Variants in SLC39A9 observed in about 807,000 individuals in gnomAD.
SLC39A9 encodes the protein zinc transporter ZIP9.
In SLC39A9, 14 loss-of-function variants were observed where a neutral mutation model predicts 28.4. The ratio of observed to expected loss-of-function variants is 0.49; its 90% CI spans 0.33 to 0.77. The LOEUF is 0.77. Among genes scored for constraint, SLC39A9 ranks in the 30% least tolerant of loss-of-function variants. The pLI is 0.02. For missense variants in SLC39A9, 283 were observed against 381.1 expected (o/e 0.74, Z 2.14); for synonymous variants, 119 against 149.6 (o/e 0.80, Z 1.49).
chr14:69,420,716 C>G (rs953135032), intron 1 of SLC39A9, among the ~76,000 whole-genome samples: 13 of 152,040 alleles, frequency 8.6e-5, no homozygotes, highest in African/African-American at 2.4e-4. Flanking sequence ...CTTTTTTTCT[C>G]TAAACTTCTC....
At chr14:69,456,019 A>T (rs528838053) in intron 6 of SLC39A9, among the ~76,000 whole-genome samples, 153 bp downstream of exon 6, 1 of 152,248 alleles carries the variant, frequency 6.6e-6, no homozygotes, top group Non-Finnish European at 1.5e-5. Flanking sequence ...CTTAATTCCA[A>T]TGCGTCCTCT....
intron 1 of SLC39A9, 50 bp from the exon 2 acceptor site, chr14:69,424,044 T>A (rs1348315158): frequency 1.6e-5 from 22 of 1,394,958 alleles, no homozygotes; most frequent in Non-Finnish European, 2.1e-5. Flanking sequence ...AGAAACTTTT[T>A]CCCATTAATT....
At chr14:69,439,235 G>T (rs887027048) in intron 2 of SLC39A9, among the ~76,000 whole-genome samples, 1 of 152,092 alleles carries the variant, frequency 6.6e-6, no homozygotes, top group African/African-American at 2.4e-5. Flanking sequence ...TAATGTAAAT[G>T]AGGAGTTAAT....
chr14:69,420,796 C>T (rs983265399), intron 1 of SLC39A9, among the ~76,000 whole-genome samples: 3 of 152,210 alleles, frequency 2.0e-5, no homozygotes, highest in African/African-American at 7.2e-5. Flanking sequence ...GCTACTGAAG[C>T]TTGTGCATGT....
chr14:69,420,646 A>G (rs1409308505), intron 1 of SLC39A9, among the ~76,000 whole-genome samples: 1 of 152,182 alleles, frequency 6.6e-6, no homozygotes, highest in Non-Finnish European at 1.5e-5. Flanking sequence ...AATCAAACGT[A>G]GATTTGGTCT....
chr14:69,454,755 C>T, intron 4 of SLC39A9, 57 bp from the exon 5 acceptor site: 1 of 1,441,200 alleles, frequency 6.9e-7, no homozygotes, highest in East Asian at 2.3e-5. Context: ...TCAACCACTA[C>T]ACTGTTATTG....
chr14:69,428,373 A>C (rs1421096722), intron 2 of SLC39A9, among the ~76,000 whole-genome samples: 1 of 152,196 alleles, frequency 6.6e-6, no homozygotes, highest in Non-Finnish European at 1.5e-5. Flanking sequence ...TGATGTTGAA[A>C]ATGAAGCCTG....
In SLC39A9 at chr14:69,459,008, A is replaced by G. The variant is rs1885997408; in HGVS notation, c.*415A>G. On this transcript the variant is annotated 3_prime_UTR_variant, in exon 7 of 7. Transcript: ENST00000336643. ...GTTTAGAGGCTCTGCTACTTTATCC[A>G]TTGATTTTTAACATGGTTCCCACCA... is the stretch of plus-strand genomic sequence containing the variant. The G allele has an allele frequency of 7.1e-6, 7 of 991,992 alleles. No individual in the cohort carries two copies. Among genetic ancestry groups the G allele is most frequent in the Non-Finnish European group, 8.4e-6 (7 of 833,394 alleles). The allele number at this position is 991,992 out of a possible 1,614,324, so 61.4% of individuals were successfully genotyped here. A position where few individuals can be genotyped will look rare whatever the true frequency, so the allele number is the denominator to read the frequency against.
At chr14:69,409,106 C>A (rs904334608) in intron 1 of SLC39A9, among the ~76,000 whole-genome samples, 2 of 151,916 alleles carry the variant, frequency 1.3e-5, no homozygotes, top group African/African-American at 2.4e-5. Context: ...TTTTAAAAGA[C>A]GCTGTGGAAA....
intron 1 of SLC39A9, among the ~76,000 whole-genome samples, chr14:69,407,458 C>T (rs1047047212): frequency 6.6e-6 from 1 of 151,932 alleles, no homozygotes; most frequent in Non-Finnish European, 1.5e-5. Flanking sequence ...CTGCCTCAGC[C>T]TCCCAAGTAG....
chr14:69,400,485 A>T (rs901606744), intron 1 of SLC39A9, among the ~76,000 whole-genome samples: 2 of 152,222 alleles, frequency 1.3e-5, no homozygotes, highest in African/African-American at 4.8e-5. Flanking sequence ...TTTAGGGGGG[A>T]AAAACTACTA....
chr14:69,404,105 A>G (rs897903321), intron 1 of SLC39A9, among the ~76,000 whole-genome samples: 1 of 152,210 alleles, frequency 6.6e-6, no homozygotes, highest in Non-Finnish European at 1.5e-5. Flanking sequence ...CACACTGGTT[A>G]GTCCCAGCTA....
At chr14:69,427,353 A>G (rs575720086) in intron 2 of SLC39A9, among the ~76,000 whole-genome samples, 1 of 152,242 alleles carries the variant, frequency 6.6e-6, no homozygotes, top group Non-Finnish European at 1.5e-5. Flanking sequence ...GTGCTTTATA[A>G]GTCTCTTCTG....
Position 69,399,021 on chromosome 14 carries a change from C to T in SLC39A9, c.-349C>T. On this transcript the variant is annotated 5_prime_UTR_variant, in exon 1 of 7. Transcript: ENST00000336643. ...ACCCGCCGCCGCCTAAGACATTGTGCCACCCTCAATCCGACAATCGAAGAA... is the reference window on the plus strand; with the variant it reads ...ACCCGCCGCCGCCTAAGACATTGTGTCACCCTCAATCCGACAATCGAAGAA... 4.1e-6 allele frequency: 1 copy of T among 245,368 alleles called. No homozygotes were observed. Among genetic ancestry groups the T allele is most frequent in the Non-Finnish European group, 7.9e-6 (1 of 126,516 alleles). 15.2% of individuals were successfully genotyped at this position (245,368 alleles called of 1,614,324 possible). A position where few individuals can be genotyped will look rare whatever the true frequency, so the allele number is the denominator to read the frequency against.
At chr14:69,404,783 CTCTTT>C (rs1323775180) in intron 1 of SLC39A9, among the ~76,000 whole-genome samples, 1 of 152,134 alleles carries the variant, frequency 6.6e-6, no homozygotes. Flanking sequence ...GTATTTAACT[CTCTTT>C]TCTTCATTAT....
In SLC39A9 at chr14:69,460,541, AT is replaced by A. The variant is rs149697819; in HGVS notation, c.*1950del. On this transcript the variant is annotated 3_prime_UTR_variant, in exon 7 of 7. Coordinates refer to ENST00000336643, the MANE Select transcript of SLC39A9 (RefSeq NM_018375.5). Reference sequence around the variant, plus strand: ...ACTGACTTTGTCAAATAAATAGCAGATTGTAGTGTCTGGTTTGGTTTGGACA... The same window carrying A: ...ACTGACTTTGTCAAATAAATAGCAGATGTAGTGTCTGGTTTGGTTTGGACA... The A allele has an allele frequency of 0.023, 22,540 of 985,372 alleles. 281 individuals carry two copies. Among genetic ancestry groups the A allele is most frequent in the African/African-American group, 0.025 (1,420 of 57,332 alleles). The allele number at this position is 985,372 out of a possible 1,614,324, so 61.0% of individuals were successfully genotyped here.
Position 69,459,258 on chromosome 14 carries a change from G to A in SLC39A9, c.*665G>A, listed in dbSNP as rs1477112768. The A allele has an allele frequency of 3.0e-6, 3 of 985,320 alleles. No individual in the cohort carries two copies. Among genetic ancestry groups the A allele is most frequent in the Admixed American group, 1.2e-4 (2 of 16,270 alleles). 61.0% of individuals were successfully genotyped at this position (985,320 alleles called of 1,614,324 possible). On this transcript the variant is annotated 3_prime_UTR_variant, in exon 7 of 7. Coordinates refer to ENST00000336643, the MANE Select transcript of SLC39A9 (RefSeq NM_018375.5). ...TTTGGCACGTGCCTCTCTGAATCCA[G>A]CCTGCCATTCCATCAAATGGAGCAG...
At chr14:69,442,483 A>G (rs1266492820) in intron 3 of SLC39A9, among the ~76,000 whole-genome samples, 5 of 152,238 alleles carry the variant, frequency 3.3e-5, no homozygotes, top group Non-Finnish European at 7.3e-5. Flanking sequence ...TGCTTGTCTT[A>G]AAGTTGTCAC....
rs1017565052 is a variant in SLC39A9 at position 69,460,744 on chromosome 14, G to C, written c.*2151G>C. On this transcript the variant is annotated 3_prime_UTR_variant, in exon 7 of 7. Coordinates refer to ENST00000336643, the MANE Select transcript of SLC39A9 (RefSeq NM_018375.5). ...ACTTCCAAATTTGCCTTCCCCTCTG[G>C]ACCTCACTATTAACAAGCAAACCTT... 16 of 985,254 alleles carry C rather than the reference G, an allele frequency of 1.6e-5. No homozygotes were observed. The Admixed American group carries it at 6.8e-4, about 42-fold the overall frequency. The allele number at this position is 985,254 out of a possible 1,614,324, so 61.0% of individuals were successfully genotyped here. A position where few individuals can be genotyped will look rare whatever the true frequency, so the allele number is the denominator to read the frequency against.
Sources: allele counts gnomAD v4.1 joint callset (sites outside exome capture counted in the v4.1 genomes callset), GRCh38; gene constraint gnomAD v4.1.1; transcripts MANE v1.5; gene names NCBI Gene and HGNC (gene_info 2026-07-23, HGNC 2026-07-21).